Variants in ENTREP1 observed in about 807,000 individuals in gnomAD.
ENTREP1 encodes the protein Friedreich ataxia region gene X123.
At chr9:69,386,203 T>C in the ENTREP1 span, 2 of 310,548 alleles carry the variant, frequency 6.4e-6, no homozygotes, top group Non-Finnish European at 1.2e-5. Flanking sequence ...TTGTACATGA[T>C]ACTATGCTAG....
the ENTREP1 span, among the ~76,000 whole-genome samples, chr9:69,384,765 A>C: frequency 6.6e-6 from 1 of 152,208 alleles, no homozygotes; most frequent in Non-Finnish European, 1.5e-5. Flanking sequence ...ATCAACTCTT[A>C]GCAATTTTAG....
chr9:69,325,139 C>T, the ENTREP1 span: 17 of 1,039,480 alleles, frequency 1.6e-5, no homozygotes, highest in South Asian at 4.6e-5. Context: ...GGAGCCAGGG[C>T]AGCGGCAGCG....
chr9:69,335,828 G>GACAT, the ENTREP1 span, among the ~76,000 whole-genome samples: 1 of 25,344 alleles, frequency 3.9e-5, no homozygotes, highest in East Asian at 7.3e-4. Context: ...GGCCAGGTGT[G>GACAT]GTGACATGCG....
the ENTREP1 span, among the ~76,000 whole-genome samples, chr9:69,336,804 C>A: frequency 1.3e-5 from 2 of 151,762 alleles, no homozygotes; most frequent in Non-Finnish European, 2.9e-5. Flanking sequence ...CTTTGCCTCC[C>A]GGGTTCAAGC....
At chr9:69,325,140 A>G in the ENTREP1 span, 7 of 1,030,564 alleles carry the variant, frequency 6.8e-6, no homozygotes, top group Non-Finnish European at 8.1e-6. Context: ...GAGCCAGGGC[A>G]GCGGCAGCGG....
chr9:69,364,769 A>T, the ENTREP1 span, among the ~76,000 whole-genome samples: 2 of 152,190 alleles, frequency 1.3e-5, no homozygotes, highest in Admixed American at 1.3e-4. Context: ...CAGAGTTTTA[A>T]TAACATAATA....
At chr9:69,364,263 A>G in the ENTREP1 span, among the ~76,000 whole-genome samples, 1 of 152,330 alleles carries the variant, frequency 6.6e-6, no homozygotes, top group South Asian at 2.1e-4. Flanking sequence ...TTAATGGATG[A>G]GAAAAGTCTC....
the ENTREP1 span, chr9:69,381,214 C>G: frequency 6.6e-6 from 1 of 152,192 alleles, no homozygotes; most frequent in Non-Finnish European, 1.5e-5. Flanking sequence ...GAGCCAGGCT[C>G]TAGAGTCTCT....
At chr9:69,349,877 A>G in the ENTREP1 span, among the ~76,000 whole-genome samples, 1 of 152,348 alleles carries the variant, frequency 6.6e-6, no homozygotes, top group South Asian at 2.1e-4. Flanking sequence ...ACTGAATATG[A>G]AAAATGGAGT....
the ENTREP1 span, among the ~76,000 whole-genome samples, chr9:69,360,636 T>C: frequency 1.3e-5 from 2 of 152,208 alleles, no homozygotes; most frequent in Non-Finnish European, 2.9e-5. Context: ...ATTCTGTCAC[T>C]TTCATCCTTC....
chr9:69,386,358 G>A, the ENTREP1 span: 1 of 152,360 alleles, frequency 6.6e-6, no homozygotes, highest in Non-Finnish European at 1.5e-5. Flanking sequence ...CTATGTATGA[G>A]TAGATGATTG....
chr9:69,332,153 C>T, the ENTREP1 span, among the ~76,000 whole-genome samples: 1 of 152,186 alleles, frequency 6.6e-6, no homozygotes. Flanking sequence ...GGCCTACTTC[C>T]TCTATTTGCT....
At chr9:69,389,711 A>G in the ENTREP1 span, among the ~76,000 whole-genome samples, 1 of 152,228 alleles carries the variant, frequency 6.6e-6, no homozygotes, top group African/African-American at 2.4e-5. Context: ...CTGATGAGCT[A>G]AGAGCTGGAG....
the ENTREP1 span, chr9:69,382,391 C>T: frequency 3.3e-5 from 5 of 152,172 alleles, no homozygotes; most frequent in African/African-American, 1.2e-4. Context: ...AGGACCCCTC[C>T]CCCACGAAGG....
At chr9:69,377,009 ATC>A in the ENTREP1 span, among the ~76,000 whole-genome samples, 2 of 152,154 alleles carry the variant, frequency 1.3e-5, no homozygotes, top group Non-Finnish European at 2.9e-5. Context: ...GGGAATTGCT[ATC>A]CCTGGGGAAA....
At chr9:69,365,769 C>T in the ENTREP1 span, among the ~76,000 whole-genome samples, 20 of 152,238 alleles carry the variant, frequency 1.3e-4, 1 homozygote, top group South Asian at 4.0e-3. Flanking sequence ...TGAATGAGAA[C>T]ATGTAATATT....
chr9:69,349,857 T>C, the ENTREP1 span, among the ~76,000 whole-genome samples: 1 of 152,216 alleles, frequency 6.6e-6, no homozygotes, highest in Non-Finnish European at 1.5e-5. Context: ...TGTAACTTAT[T>C]GAATACTGTA....
At chr9:69,390,253 C>G in the ENTREP1 span, among the ~76,000 whole-genome samples, 3 of 152,160 alleles carry the variant, frequency 2.0e-5, no homozygotes, top group Admixed American at 2.0e-4. Context: ...CTTTTAATGA[C>G]CTTAAAGGCT....
the ENTREP1 span, among the ~76,000 whole-genome samples, chr9:69,347,072 G>A: frequency 1.1e-4 from 17 of 152,174 alleles, no homozygotes; most frequent in Non-Finnish European, 2.5e-4. Context: ...GCCTGCAGTT[G>A]GAAATAATTC....
Sources: allele counts gnomAD v4.1 joint callset (sites outside exome capture counted in the v4.1 genomes callset), GRCh38; gene constraint gnomAD v4.1.1; transcripts MANE v1.5; gene names NCBI Gene and HGNC (gene_info 2026-07-23, HGNC 2026-07-21).